The following DNER variants were observed in gnomAD, a reference collection of about 807,000 sequenced individuals.
DNER encodes delta and Notch-like epidermal growth factor-related receptor.
A neutral mutation model predicts 78.2 loss-of-function variants in DNER; 33 were observed. That is an observed-to-expected ratio of 0.42 (90% confidence interval 0.32 to 0.56). The LOEUF is 0.56. Among genes scored for constraint, DNER ranks in the 20% least tolerant of loss-of-function variants. The pLI is 0.11. For missense variants in DNER, 918 were observed against 975.3 expected, an observed-to-expected ratio of 0.94 and a Z score of 0.78; for synonymous variants, 417 against 384.8, an observed-to-expected ratio of 1.08 and a Z score of -0.98.
intron 3 of DNER, among the ~76,000 whole-genome samples, 160 bp from the exon 4 acceptor site, chr2:229,586,184 C>T (rs976359082): frequency 6.6e-6 from 1 of 152,094 alleles, no homozygotes; most frequent in Non-Finnish European, 1.5e-5. Flanking sequence ...ACTGTAAAGG[C>T]GTACACTCCC....
At chr2:229,475,134 A>G (rs1400326835) in intron 7 of DNER, among the ~76,000 whole-genome samples, 1 of 152,222 alleles carries the variant, frequency 6.6e-6, no homozygotes, top group Non-Finnish European at 1.5e-5. Flanking sequence ...TAATCCTTAC[A>G]CTGATCCCAG....
chr2:229,634,278 CTTCT>C (rs1698491794), intron 1 of DNER, among the ~76,000 whole-genome samples: 2 of 151,642 alleles, frequency 1.3e-5, no homozygotes, highest in Middle Eastern at 3.4e-3. Context: ...TCCTTCCTTC[CTTCT>C]TTCCTTCATT....
chr2:229,613,862 A>G (rs1324814395), intron 1 of DNER, among the ~76,000 whole-genome samples: 1 of 152,146 alleles, frequency 6.6e-6, no homozygotes, highest in Non-Finnish European at 1.5e-5. Context: ...GCCACCCTTC[A>G]TAACTGTTGA....
intron 1 of DNER, among the ~76,000 whole-genome samples, chr2:229,600,496 C>T (rs977771669): frequency 6.6e-6 from 1 of 152,176 alleles, no homozygotes; most frequent in African/African-American, 2.4e-5. Context: ...TCTATTTTCT[C>T]CCCCCATGCA....
intron 10 of DNER, among the ~76,000 whole-genome samples, chr2:229,397,080 A>C (rs965060134): frequency 6.6e-6 from 1 of 152,188 alleles, no homozygotes; most frequent in Non-Finnish European, 1.5e-5. Flanking sequence ...AAACTTCTAA[A>C]AACAGCCAGA....
At chr2:229,566,227 GTGAACA>G (rs1235722644) in intron 4 of DNER, among the ~76,000 whole-genome samples, 1 of 152,150 alleles carries the variant, frequency 6.6e-6, no homozygotes, top group East Asian at 1.9e-4. Context: ...TGCAAGCATT[GTGAACA>G]TGATCTTTCA....
intron 1 of DNER, among the ~76,000 whole-genome samples, chr2:229,684,124 T>TGTGTGTGTGTG (rs1559208232): frequency 3.0e-5 from 2 of 67,716 alleles, no homozygotes; most frequent in African/African-American, 1.4e-4. Context: ...GTGTGTGTGT[T>TGTGTGTGTGTG]TGTGTGTGTG....
At chr2:229,697,348 G>A (rs1306133427) in intron 1 of DNER, among the ~76,000 whole-genome samples, 1 of 152,198 alleles carries the variant, frequency 6.6e-6, no homozygotes, top group African/African-American at 2.4e-5. Context: ...ACTGGGAGGA[G>A]GGAGGAAAGG....
chr2:229,536,837 G>C (rs1017743900), intron 5 of DNER, among the ~76,000 whole-genome samples: 2 of 152,144 alleles, frequency 1.3e-5, no homozygotes, highest in African/African-American at 4.8e-5. Flanking sequence ...GTTCCTGGAG[G>C]CGTATGAAGG....
At chr2:229,402,424 GA>G (rs1185883220) in intron 10 of DNER, among the ~76,000 whole-genome samples, 1 of 152,208 alleles carries the variant, frequency 6.6e-6, no homozygotes, top group African/African-American at 2.4e-5. Context: ...AAATGTCAAT[GA>G]AATTAAAGCA....
At position 229,709,358 on chromosome 2, in the gene DNER, T is replaced by A. The variant is rs1190627086; in HGVS notation, c.276+4790A>T. Among the ~76,000 whole-genome samples, 4 of 152,180 alleles carry A rather than the reference T, an allele frequency of 2.6e-5. No homozygotes were observed. In the East Asian group the frequency reaches 7.7e-4, roughly 29 times the overall value. On this transcript the variant is annotated intron_variant, in intron 1 of 12. Coordinates refer to ENST00000341772, the MANE Select transcript of DNER (RefSeq NM_139072.4). ...TATGAACATTGAGGTTCAAGGATGTTCAATAATTATCCCAAAGTCACAAGA... is the reference window on the plus strand; with the variant it reads ...TATGAACATTGAGGTTCAAGGATGTACAATAATTATCCCAAAGTCACAAGA...
chr2:229,586,215 A>G (rs776314011), intron 3 of DNER, among the ~76,000 whole-genome samples, 191 bp from the exon 4 acceptor site: 10 of 152,184 alleles, frequency 6.6e-5, no homozygotes, highest in Non-Finnish European at 1.3e-4. Flanking sequence ...AGTGTACCAC[A>G]AAATGAGTCA....
chr2:229,547,649 T>C (rs1341307560), intron 4 of DNER, among the ~76,000 whole-genome samples: 1 of 152,226 alleles, frequency 6.6e-6, no homozygotes, highest in Non-Finnish European at 1.5e-5. Context: ...GGTTTATTGA[T>C]CATTGATAAG....
At chr2:229,577,158 T>G (rs1305157742) in intron 4 of DNER, among the ~76,000 whole-genome samples, 2 of 152,172 alleles carry the variant, frequency 1.3e-5, no homozygotes, top group Non-Finnish European at 2.9e-5. Context: ...TCCAGTTCAA[T>G]GTACAACCAA....
At chr2:229,554,696 T>A (rs985558262) in intron 4 of DNER, among the ~76,000 whole-genome samples, 7 of 150,372 alleles carry the variant, frequency 4.7e-5, no homozygotes, top group African/African-American at 9.8e-5. Flanking sequence ...CTCAAAAAAA[T>A]AAATAAATAA....
At chr2:229,643,285 T>G (rs1698659740) in intron 1 of DNER, among the ~76,000 whole-genome samples, 2 of 152,194 alleles carry the variant, frequency 1.3e-5, no homozygotes, top group Non-Finnish European at 2.9e-5. Flanking sequence ...TATGTGGTCT[T>G]AGGCAAGTTA....
intron 5 of DNER, 85 bp from the exon 6 acceptor site, chr2:229,513,021 C>A (rs1330883014): frequency 2.8e-6 from 4 of 1,416,300 alleles, no homozygotes; most frequent in Non-Finnish European, 3.8e-6. Context: ...TTTGAAAGAA[C>A]CACTTCCTTT....
chr2:229,615,715 CA>C (rs202085499), intron 1 of DNER, among the ~76,000 whole-genome samples: 1 of 149,320 alleles, frequency 6.7e-6, no homozygotes, highest in Non-Finnish European at 1.5e-5. Flanking sequence ...CTGTCTCAAA[CA>C]AAAAAAAAGA....
intron 3 of DNER, 90 bp from the exon 4 acceptor site, chr2:229,586,114 G>A (rs1697490714): frequency 7.0e-7 from 1 of 1,432,044 alleles, no homozygotes; most frequent in Admixed American, 2.6e-5. Context: ...ATACAAAGAT[G>A]GTATGTGCAT....
Sources: gnomAD v4.1 joint callset for allele counts (sites outside exome capture counted in the v4.1 genomes callset) on GRCh38, gnomAD v4.1.1 for gene constraint, MANE v1.5 for transcripts, NCBI Gene and HGNC (gene_info 2026-07-23, HGNC 2026-07-21) for gene names.